The following CNTLN variants were observed in gnomAD, a reference collection of about 807,000 sequenced individuals.
CNTLN encodes centlein, also known as centlein, centrosomal protein.
A neutral mutation model predicts 180.0 loss-of-function variants in CNTLN; 212 were observed. The ratio of observed to expected loss-of-function variants is 1.18; its 90% confidence interval spans 1.05 to 1.32. The LOEUF (loss-of-function observed/expected upper bound fraction) is 1.32. Among genes scored for constraint, CNTLN ranks in the 40% most tolerant of loss-of-function variants. CNTLN has a pLI of 0.00. For missense variants in CNTLN, 2,095 were observed against 1,610.9 expected (o/e 1.30, Z -5.14); for synonymous variants, 722 against 563.1 (o/e 1.28, Z -3.99).
rs557330149 is a variant in CNTLN at position 17,363,096 on chromosome 9, T to C, written c.1887-3521T>C. ...TTTTTTATGGCTGCATAGTATTCCA[T>C]GGTGTATATGTGCCACATGTTCTTT... On this transcript the variant is annotated intron_variant, in intron 12 of 25. Transcript: ENST00000380647. 3.7e-4 allele frequency among the ~76,000 whole-genome samples: 57 copies of C among 152,348 alleles called. 2 individuals are homozygous for C. In the South Asian group the frequency reaches 0.011, roughly 29 times the overall value.
chr9:17,266,924 A>T (rs1376545226), intron 5 of CNTLN, among the ~76,000 whole-genome samples: 2 of 152,118 alleles, frequency 1.3e-5, no homozygotes, highest in Middle Eastern at 3.4e-3. Flanking sequence ...TTTTGAGCCT[A>T]TGTGTGTCTC....
chr9:17,363,793 ATC>A (rs1823591865), intron 12 of CNTLN, among the ~76,000 whole-genome samples: 1 of 152,004 alleles, frequency 6.6e-6, no homozygotes. Flanking sequence ...CCTTGTATAT[ATC>A]TGTTAGTGTC....
intron 3 of CNTLN, among the ~76,000 whole-genome samples, chr9:17,229,867 G>A (rs943604554): frequency 1.6e-4 from 25 of 152,138 alleles, no homozygotes; most frequent in Admixed American, 1.2e-3. Flanking sequence ...GCTGTGGTAT[G>A]AGTTAGAGGC....
At chr9:17,396,712 TA>T (rs1826554680) in intron 15 of CNTLN, among the ~76,000 whole-genome samples, 1 of 152,166 alleles carries the variant, frequency 6.6e-6, no homozygotes, top group Non-Finnish European at 1.5e-5. Context: ...CCAGACAAAT[TA>T]AATTATAACC....
At chr9:17,242,890 T>C (rs777349990) in intron 5 of CNTLN, among the ~76,000 whole-genome samples, 12 of 152,214 alleles carry the variant, frequency 7.9e-5, no homozygotes, top group Non-Finnish European at 1.8e-4. Flanking sequence ...TTCCCTTCTC[T>C]ATTCTTCAGA....
chr9:17,171,231 T>A (rs780940444), intron 2 of CNTLN, among the ~76,000 whole-genome samples: 4 of 152,150 alleles, frequency 2.6e-5, no homozygotes, highest in Non-Finnish European at 5.9e-5. Flanking sequence ...TTGTTTTTGG[T>A]TTTTTTGTGT....
chr9:17,229,311 G>C (rs936658413), intron 3 of CNTLN, among the ~76,000 whole-genome samples: 20 of 152,000 alleles, frequency 1.3e-4, no homozygotes, highest in African/African-American at 4.3e-4. Context: ...ATTTTAGAAA[G>C]CAATACAACA....
the CNTLN span, among the ~76,000 whole-genome samples, chr9:17,511,102 C>T: frequency 6.6e-6 from 1 of 152,092 alleles, no homozygotes; most frequent in South Asian, 2.1e-4. Flanking sequence ...TTTTTGAGTT[C>T]TAGTCCAGCT....
At chr9:17,260,424 G>A (rs1411123011) in intron 5 of CNTLN, among the ~76,000 whole-genome samples, 1 of 151,110 alleles carries the variant, frequency 6.6e-6, no homozygotes, top group Non-Finnish European at 1.5e-5. Context: ...AATAGGTGTG[G>A]TGTGGTGCTG....
rs1271748169 is a variant in CNTLN at position 17,466,694 on chromosome 9, G to C, written c.3670-12G>C. The C allele has an allele frequency of 1.9e-6, 3 of 1,600,008 alleles. No individual in the cohort carries two copies. Among genetic ancestry groups the C allele is most frequent in the South Asian group, 1.1e-5 (1 of 88,844 alleles). On this transcript the variant is annotated splice_polypyrimidine_tract_variant and intron_variant, in intron 22 of 25. Coordinates refer to ENST00000380647, the MANE Select transcript of CNTLN (RefSeq NM_017738.4). Reference sequence around the variant, plus strand: ...AAATATCTTTTATTTTATGACTGCTGATCTTTTGCAGGATCTCAAGCTTAC... The same window carrying C: ...AAATATCTTTTATTTTATGACTGCTCATCTTTTGCAGGATCTCAAGCTTAC...
chr9:17,242,253 A>G (rs1825537122), intron 5 of CNTLN, among the ~76,000 whole-genome samples: 1 of 150,908 alleles, frequency 6.6e-6, no homozygotes, highest in Non-Finnish European at 1.5e-5. Context: ...TCATGACACA[A>G]TGTTGAATTT....
intron 1 of CNTLN, among the ~76,000 whole-genome samples, chr9:17,140,296 A>G (rs1817997092): frequency 6.6e-6 from 1 of 152,182 alleles, no homozygotes; most frequent in Non-Finnish European, 1.5e-5. Context: ...TCACAAAAGA[A>G]TTTACTGTTT....
intron 23 of CNTLN, among the ~76,000 whole-genome samples, chr9:17,468,183 A>G (rs1359954502): frequency 6.6e-6 from 1 of 151,640 alleles, no homozygotes; most frequent in African/African-American, 2.4e-5. Context: ...AGTGGAACCT[A>G]AACATTGAGT....
chr9:17,140,145 C>A (rs1409754157), intron 1 of CNTLN, among the ~76,000 whole-genome samples: 1 of 151,740 alleles, frequency 6.6e-6, no homozygotes, highest in African/African-American at 2.4e-5. Context: ...CGGGGGGGGA[C>A]TTTATTTTTT....
At chr9:17,282,805 T>C (rs557559403) in intron 6 of CNTLN, among the ~76,000 whole-genome samples, 9 of 152,332 alleles carry the variant, frequency 5.9e-5, no homozygotes, top group South Asian at 4.1e-4. Flanking sequence ...TTTCTCCTTA[T>C]GGCTAGCCAG....
Position 17,478,529 on chromosome 9 carries a change from C to CT in CNTLN, c.3856-5755dup, listed in dbSNP as rs976694894. Among the ~76,000 whole-genome samples, 564 of 144,098 alleles carry CT rather than the reference C, an allele frequency of 3.9e-3. 1 individual carries two copies. The highest frequency in any genetic ancestry group is 0.011 in the Middle Eastern group (3 of 276). The allele number at this position is 144,098 out of a possible 152,430, so 94.5% of individuals were successfully genotyped here. On this transcript the variant is annotated intron_variant, in intron 23 of 25. Transcript: ENST00000380647. ...AAATGTTTTCTTGTAGGAGTTTTTT[C>CT]TTTTTTTTTTTAAGAGATGGCGTCT...
At chr9:17,446,269 GTC>G (rs1014923931) in intron 18 of CNTLN, among the ~76,000 whole-genome samples, 6 of 152,210 alleles carry the variant, frequency 3.9e-5, no homozygotes, top group African/African-American at 1.4e-4. Flanking sequence ...TCTTTCCTAA[GTC>G]TCTCGTTCCA....
chr9:17,248,469 C>G (rs1825934708), intron 5 of CNTLN, among the ~76,000 whole-genome samples: 1 of 150,242 alleles, frequency 6.7e-6, no homozygotes, highest in African/African-American at 2.4e-5. Context: ...GTGTTTCTAG[C>G]TATTTGTCCA....
chr9:17,325,429 A>G (rs2133071751), intron 8 of CNTLN, among the ~76,000 whole-genome samples: 1 of 145,288 alleles, frequency 6.9e-6, no homozygotes, highest in East Asian at 2.1e-4. Flanking sequence ...TACACAGACA[A>G]TTATATACTC....
Sources: gnomAD v4.1 joint callset for allele counts (sites outside exome capture counted in the v4.1 genomes callset) on GRCh38, gnomAD v4.1.1 for gene constraint, MANE v1.5 for transcripts, NCBI Gene and HGNC (gene_info 2026-07-23, HGNC 2026-07-21) for gene names.